The following FTCDNL1 variants were observed in gnomAD, a reference collection of about 807,000 sequenced individuals.
The protein encoded by FTCDNL1 is formiminotransferase N-terminal subdomain-containing protein.
FTCDNL1 carries 11 observed loss-of-function variants against 5.9 expected under a neutral mutation model. That is an observed-to-expected ratio of 1.87 (90% confidence interval 1.18 to 3.10). FTCDNL1 has a LOEUF of 3.10. Among genes scored for constraint, FTCDNL1 ranks in the 30% most tolerant of loss-of-function variants. The pLI, the probability that FTCDNL1 is intolerant of heterozygous loss-of-function variation, is 0.00. For synonymous variants in FTCDNL1, 58 were observed against 24.8 expected (o/e 2.34, Z -3.99); for missense variants, 115 against 65.5 (o/e 1.76, Z -2.61).
chr2:199,752,202 C>T, the FTCDNL1 span, among the ~76,000 whole-genome samples: 1 of 152,166 alleles, frequency 6.6e-6, no homozygotes, highest in South Asian at 2.1e-4. Context: ...GCCAACCCTC[C>T]CTGGAGCTGA....
the FTCDNL1 span, among the ~76,000 whole-genome samples, chr2:199,733,445 T>C: frequency 6.6e-6 from 1 of 152,230 alleles, no homozygotes; most frequent in Middle Eastern, 3.4e-3. Flanking sequence ...AGTTAAGTTA[T>C]GGGTATTAGG....
intron 3 of FTCDNL1, among the ~76,000 whole-genome samples, chr2:199,825,137 C>CA (rs564018681): frequency 0.15 from 12,316 of 84,234 alleles, 730 homozygotes; most frequent in Middle Eastern, 0.27. Flanking sequence ...GACCCTGTCT[C>CA]AAAAAAAAAA....
the FTCDNL1 span, among the ~76,000 whole-genome samples, chr2:199,733,947 A>G: frequency 8.4e-5 from 12 of 142,106 alleles, no homozygotes; most frequent in East Asian, 2.1e-4. Context: ...GGATTGAAGG[A>G]AAAAAAAAAA....
the FTCDNL1 span, among the ~76,000 whole-genome samples, chr2:199,666,326 C>A: frequency 6.6e-6 from 1 of 151,996 alleles, no homozygotes; most frequent in Non-Finnish European, 1.5e-5. Context: ...AAGGAAGGAC[C>A]CCTGAGTCTA....
intron 3 of FTCDNL1, among the ~76,000 whole-genome samples, chr2:199,834,258 G>A (rs1360598546): frequency 6.6e-6 from 1 of 152,110 alleles, no homozygotes; most frequent in Non-Finnish European, 1.5e-5. Flanking sequence ...CCTCTCAGAA[G>A]GAACCAACCC....
the FTCDNL1 span, among the ~76,000 whole-genome samples, chr2:199,744,545 C>T: frequency 1.3e-5 from 2 of 152,050 alleles, no homozygotes; most frequent in African/African-American, 2.4e-5. Context: ...TCAGGAGAAA[C>T]CAAACCTGCC....
chr2:199,781,731 G>C (rs1699370655), intron 3 of FTCDNL1, among the ~76,000 whole-genome samples: 1 of 152,008 alleles, frequency 6.6e-6, no homozygotes, highest in African/African-American at 2.4e-5. Flanking sequence ...CAGACAAAAT[G>C]TCACATACCA....
chr2:199,704,152 A>G, the FTCDNL1 span, among the ~76,000 whole-genome samples: 1 of 152,228 alleles, frequency 6.6e-6, no homozygotes, highest in Non-Finnish European at 1.5e-5. Context: ...AAGGAATTCC[A>G]TAACTGGGGT....
chr2:199,843,628 C>T (rs1203687519), intron 3 of FTCDNL1, among the ~76,000 whole-genome samples: 1 of 152,130 alleles, frequency 6.6e-6, no homozygotes, highest in Non-Finnish European at 1.5e-5. Context: ...AAATCTACAT[C>T]CCAAATGTTA....
chr2:199,689,293 G>A, the FTCDNL1 span, among the ~76,000 whole-genome samples: 1 of 152,268 alleles, frequency 6.6e-6, no homozygotes, highest in South Asian at 2.1e-4. Context: ...TAGGTATTTG[G>A]ATCAAGAAAG....
intron 3 of FTCDNL1, among the ~76,000 whole-genome samples, chr2:199,772,183 G>A (rs531692871): frequency 1.3e-5 from 2 of 152,168 alleles, no homozygotes; most frequent in Non-Finnish European, 2.9e-5. Context: ...TAGACAAAGG[G>A]ATGATTCACA....
At chr2:199,804,263 C>T (rs1055578683) in intron 3 of FTCDNL1, among the ~76,000 whole-genome samples, 11 of 152,116 alleles carry the variant, frequency 7.2e-5, no homozygotes, top group Admixed American at 6.5e-4. Flanking sequence ...TGGCTTCAGA[C>T]GGGGCTTCCT....
chr2:199,686,858 T>A, the FTCDNL1 span, among the ~76,000 whole-genome samples: 1 of 152,168 alleles, frequency 6.6e-6, no homozygotes, highest in Non-Finnish European at 1.5e-5. Flanking sequence ...GCAACTCAAA[T>A]GGAATAGATA....
At position 199,837,788 on chromosome 2, in the gene FTCDNL1, C is replaced by T. The variant is rs117981791; in HGVS notation, c.211+8287G>A. The stretch of plus-strand genomic sequence containing the variant: ...CAGCACTATTTCTTTATTCATGTAG[C>T]TTATATGGCTAGCATTTATCTTTCC... On this transcript the variant is annotated intron_variant, in intron 3 of 4. Transcript: ENST00000420128. 1.1e-4 allele frequency among the ~76,000 whole-genome samples: 16 copies of T among 152,230 alleles called. No homozygotes were observed. The East Asian group carries it at 3.1e-3, about 29-fold the overall frequency.
At chr2:199,666,272 A>G in the FTCDNL1 span, among the ~76,000 whole-genome samples, 1 of 152,206 alleles carries the variant, frequency 6.6e-6, no homozygotes, top group African/African-American at 2.4e-5. Context: ...ACTTGTGGCA[A>G]ATAAAGAAAA....
At chr2:199,669,523 AG>A in the FTCDNL1 span, among the ~76,000 whole-genome samples, 2 of 152,170 alleles carry the variant, frequency 1.3e-5, no homozygotes, top group Non-Finnish European at 2.9e-5. Context: ...TTAACATTTC[AG>A]GTTCAGGAAA....
intron 3 of FTCDNL1, among the ~76,000 whole-genome samples, chr2:199,834,893 T>G (rs931387143): frequency 3.3e-5 from 5 of 152,184 alleles, no homozygotes; most frequent in African/African-American, 1.2e-4. Flanking sequence ...TCAGAAATTC[T>G]AGCTGTGTGG....
At chr2:199,703,511 C>T in the FTCDNL1 span, among the ~76,000 whole-genome samples, 1 of 152,046 alleles carries the variant, frequency 6.6e-6, no homozygotes, top group Non-Finnish European at 1.5e-5. Context: ...AAATTGGTTT[C>T]CCCTGTTTCT....
intron 3 of FTCDNL1, among the ~76,000 whole-genome samples, chr2:199,776,972 G>A (rs1366073393): frequency 1.7e-4 from 25 of 148,128 alleles, no homozygotes; most frequent in Admixed American, 4.7e-4. Flanking sequence ...GTGTGTGTGT[G>A]TGTGTGTGTG....
Sources: allele counts gnomAD v4.1 joint callset (sites outside exome capture counted in the v4.1 genomes callset), GRCh38; gene constraint gnomAD v4.1.1; transcripts MANE v1.5; gene names NCBI Gene and HGNC (gene_info 2026-07-23, HGNC 2026-07-21).